The following SNAP91 variants were observed in gnomAD, a reference collection of about 807,000 sequenced individuals.
The protein encoded by SNAP91 is clathrin coat assembly protein AP180.
Under a neutral mutation model 100.3 loss-of-function variants are expected in SNAP91, and 27 were observed. The ratio of observed to expected loss-of-function variants is 0.27; its 90% CI spans 0.20 to 0.37. The LOEUF is 0.37. Among genes scored for constraint, SNAP91 ranks in the 10% least tolerant of loss-of-function variants. The probability of loss-of-function intolerance (pLI) is 1.00; values close to 1 mark genes in which losing one functional copy is unlikely to be tolerated. For synonymous variants in SNAP91, 404 were observed against 398.6 expected (o/e 1.01, Z -0.16); for missense variants, 986 against 1,123.7 (o/e 0.88, Z 1.75).
rs190963462 is a variant in SNAP91, at chr6:83,619,347, G to A, written c.808-2308C>T. Among the ~76,000 whole-genome samples the A allele has an allele frequency of 8.9e-4, 135 of 152,328 alleles. 1 individual carries two copies. The highest frequency in any genetic ancestry group is 3.4e-3 in the Middle Eastern group (1 of 294). On this transcript the variant is annotated intron_variant, in intron 9 of 29. Coordinates refer to ENST00000369694, the MANE Select transcript of SNAP91 (RefSeq NM_001242792.2). ...TAGTAATATCCAGGCGTGCAGGAAT[G>A]TCTACCTTTTCTCAACTGCATCTAT...
At chr6:83,633,874 C>T (rs552146940) in intron 8 of SNAP91, among the ~76,000 whole-genome samples, 19 of 151,926 alleles carry the variant, frequency 1.3e-4, no homozygotes, top group African/African-American at 4.6e-4. Context: ...GATTCACACC[C>T]TCCCCCGAGT....
intron 2 of SNAP91, among the ~76,000 whole-genome samples, chr6:83,701,788 T>C (rs1053625530): frequency 2.6e-5 from 4 of 152,144 alleles, no homozygotes; most frequent in Non-Finnish European, 5.9e-5. Context: ...TAAAAATGAA[T>C]AATAAAGAAG....
At chr6:83,660,259 G>A (rs1263542644) in intron 5 of SNAP91, among the ~76,000 whole-genome samples, 1 of 152,118 alleles carries the variant, frequency 6.6e-6, no homozygotes, top group Non-Finnish European at 1.5e-5. Context: ...GTTAGAGGAA[G>A]GCATATGAAC....
intron 2 of SNAP91, among the ~76,000 whole-genome samples, chr6:83,674,564 G>A (rs979550956): frequency 6.6e-6 from 1 of 152,126 alleles, no homozygotes; most frequent in Admixed American, 6.5e-5. Context: ...CCAGACCTAT[G>A]GCCTCTCAAG....
At position 83,656,855 on chromosome 6, in the gene SNAP91, T is replaced by C. The variant is rs769828592; in HGVS notation, c.557A>G (p.Asn186Ser). 7 of 1,572,276 alleles carry C rather than the reference T, an allele frequency of 4.5e-6. No homozygotes were observed. The South Asian group carries it at 8.1e-5, about 18-fold the overall frequency. ...DALLEFDVHP[N>S]ELTNGVINAA... Reference sequence around the variant, plus strand: ...ATTTATGACACCATTTGTTAGTTCATTTGGATGCACCTAGAAAAACAGAAA... The same window carrying C: ...ATTTATGACACCATTTGTTAGTTCACTTGGATGCACCTAGAAAAACAGAAA... The change falls in exon 7 of 30, where the codon AAT (asparagine) becomes AGT (serine). Residue 186 changes from asparagine to serine, a missense_variant. Transcript: ENST00000369694.
chr6:83,625,772 A>G (rs931950728), intron 8 of SNAP91, among the ~76,000 whole-genome samples: 1 of 152,142 alleles, frequency 6.6e-6, no homozygotes, highest in Non-Finnish European at 1.5e-5. Context: ...GATTCTGGAC[A>G]TTAGTCACTG....
chr6:83,628,008 C>G lies in SNAP91; in HGVS notation c.766-4666G>C, dbSNP rs188698696. Among the ~76,000 whole-genome samples, 406 of 151,554 alleles carry G rather than the reference C, an allele frequency of 2.7e-3. 1 individual carries two copies. Among genetic ancestry groups the G allele is most frequent in the Non-Finnish European group, 4.7e-3 (319 of 67,832 alleles). Reference sequence around the variant, plus strand: ...GGAGTCTTTATCCCTCACCCTCTTCCCACCCTTTCCCCCTGATTTCCTCAA... The same window carrying G: ...GGAGTCTTTATCCCTCACCCTCTTCGCACCCTTTCCCCCTGATTTCCTCAA... On this transcript the variant is annotated intron_variant, in intron 8 of 29. Coordinates refer to ENST00000369694, the MANE Select transcript of SNAP91 (RefSeq NM_001242792.2).
At chr6:83,611,896 G>GTTTTTTTT (rs2096129118) in intron 11 of SNAP91, among the ~76,000 whole-genome samples, 2 of 118,070 alleles carry the variant, frequency 1.7e-5, no homozygotes, top group African/African-American at 3.4e-5. Context: ...TTTTTTTTTG[G>GTTTTTTTT]ATTTTTAGTA....
At chr6:83,656,442 A>C (rs183040802) in intron 7 of SNAP91, among the ~76,000 whole-genome samples, 1 of 152,320 alleles carries the variant, frequency 6.6e-6, no homozygotes, top group African/African-American at 2.4e-5. Flanking sequence ...ATCAACACTG[A>C]GCTTTCATCA....
chr6:83,614,994 A>G (rs1562353236), intron 10 of SNAP91, 132 bp from the exon 11 acceptor site: 1 of 544,826 alleles, frequency 1.8e-6, no homozygotes, highest in Non-Finnish European at 3.1e-6. Context: ...GAAGAGAAAT[A>G]TGACAAGCAT....
intron 22 of SNAP91, among the ~76,000 whole-genome samples, chr6:83,589,934 T>C (rs2093474658): frequency 6.6e-6 from 1 of 152,190 alleles, no homozygotes; most frequent in African/African-American, 2.4e-5. Flanking sequence ...TTTTATGGGC[T>C]ATATCCACAC....
intron 2 of SNAP91, among the ~76,000 whole-genome samples, chr6:83,667,917 T>G (rs1283240962): frequency 6.6e-6 from 1 of 152,144 alleles, no homozygotes; most frequent in Non-Finnish European, 1.5e-5. Context: ...GAGAAAATTT[T>G]TGCAATCTAC....
At chr6:83,648,044 T>C (rs772302254) in intron 7 of SNAP91, among the ~76,000 whole-genome samples, 1 of 152,190 alleles carries the variant, frequency 6.6e-6, no homozygotes, top group Non-Finnish European at 1.5e-5. Context: ...GGAGGGAGCA[T>C]TAAAACCACA....
At chr6:83,680,889 T>C (rs537332163) in intron 2 of SNAP91, among the ~76,000 whole-genome samples, 1 of 152,274 alleles carries the variant, frequency 6.6e-6, no homozygotes, top group East Asian at 1.9e-4. Flanking sequence ...GGGATTGAAG[T>C]TGGGCTGCAG....
intron 7 of SNAP91, among the ~76,000 whole-genome samples, chr6:83,648,629 C>T (rs2098063669): frequency 6.6e-6 from 1 of 152,112 alleles, no homozygotes; most frequent in Non-Finnish European, 1.5e-5. Flanking sequence ...ATACTTGATA[C>T]CATCAGTAGT....
At chr6:83,687,998 G>A (rs552601604) in intron 2 of SNAP91, among the ~76,000 whole-genome samples, 1 of 152,242 alleles carries the variant, frequency 6.6e-6, no homozygotes, top group East Asian at 1.9e-4. Flanking sequence ...AATCCTGGAT[G>A]TGTTGAGCGT....
chr6:83,623,741 T>C (rs1383961723), intron 8 of SNAP91, among the ~76,000 whole-genome samples: 1 of 152,072 alleles, frequency 6.6e-6, no homozygotes, highest in African/African-American at 2.4e-5. Flanking sequence ...CAGGGTATAA[T>C]TTCCACTCTT....
At chr6:83,609,764 C>T (rs1239599542) in intron 12 of SNAP91, among the ~76,000 whole-genome samples, 2 of 152,146 alleles carry the variant, frequency 1.3e-5, no homozygotes, top group Admixed American at 6.5e-5. Flanking sequence ...GTCTAAAAGG[C>T]ATATTTGTGG....
At chr6:83,596,764 T>TA (rs144370992) in intron 16 of SNAP91, among the ~76,000 whole-genome samples, 117,052 of 151,466 alleles carry the variant, frequency 0.77, 45,651 homozygotes, top group East Asian at 0.88. Context: ...AATTAAAGAT[T>TA]TTTTTTTTAA....
Sources: gnomAD v4.1 joint callset for allele counts (sites outside exome capture counted in the v4.1 genomes callset) on GRCh38, gnomAD v4.1.1 for gene constraint, MANE v1.5 for transcripts, NCBI Gene and HGNC (gene_info 2026-07-23, HGNC 2026-07-21) for gene names.